ARID4B: variants seen among roughly 807,000 people sequenced by gnomAD.
ARID4B encodes the protein AT-rich interactive domain-containing protein 4B.
ARID4B carries 26 observed loss-of-function variants against 147.5 expected under a neutral mutation model. The ratio of observed to expected loss-of-function variants is 0.18; its 90% CI spans 0.13 to 0.24. ARID4B has a LOEUF of 0.24. Among genes scored for constraint, ARID4B ranks in the 10% least tolerant of loss-of-function variants. The pLI is 1.00. For missense variants in ARID4B, 1,179 were observed against 1,511.5 expected (o/e 0.78, Z 3.65); for synonymous variants, 512 against 507.9 (o/e 1.01, Z -0.11).
Position 235,173,742 on chromosome 1 carries a change from TAAAAAAAAAAAAA to T in ARID4B, c.3665-991_3665-979del, listed in dbSNP as rs755815257. Among the ~76,000 whole-genome samples, 244 of 26,084 alleles carry T rather than the reference TAAAAAAAAAAAAA, an allele frequency of 9.4e-3. 3 individuals are homozygous for T. Among genetic ancestry groups the T allele is most frequent in the South Asian group, 0.011 (4 of 356 alleles). 17.1% of individuals were successfully genotyped at this position (26,084 alleles called of 152,430 possible). ...AACATAATGAGACCTCGTCTCTATT[TAAAAAAAAAAAAA>T]AAAAAAAAAAAAAAAAATATATATA... is the stretch of plus-strand genomic sequence containing the variant. On this transcript the variant is annotated intron_variant, in intron 22 of 23. Coordinates refer to ENST00000264183, the MANE Select transcript of ARID4B (RefSeq NM_016374.6).
At chr1:235,316,225 A>C (rs974128490) in intron 2 of ARID4B, among the ~76,000 whole-genome samples, 5 of 152,164 alleles carry the variant, frequency 3.3e-5, no homozygotes, top group Non-Finnish European at 7.3e-5. Flanking sequence ...ACTCAAAAAT[A>C]AGTGGGGTGC....
intron 7 of ARID4B, among the ~76,000 whole-genome samples, chr1:235,242,682 T>C (rs554609014): frequency 2.0e-4 from 31 of 152,330 alleles, no homozygotes; most frequent in South Asian, 2.1e-4. Flanking sequence ...ATTGTAAAAA[T>C]TGTAACTTTT....
At chr1:235,289,108 T>C (rs1189716439) in intron 2 of ARID4B, among the ~76,000 whole-genome samples, 3 of 152,174 alleles carry the variant, frequency 2.0e-5, no homozygotes, top group South Asian at 4.1e-4. Context: ...AGATAACATA[T>C]ATTCAAAGTT....
chr1:235,232,841 T>C (rs1417647824), intron 9 of ARID4B, among the ~76,000 whole-genome samples: 1 of 151,900 alleles, frequency 6.6e-6, no homozygotes, highest in Non-Finnish European at 1.5e-5. Flanking sequence ...TTTTGTTTTG[T>C]TTTGTTTTGT....
chr1:235,171,115 T>C (rs1433544587), intron 23 of ARID4B, among the ~76,000 whole-genome samples: 1 of 152,108 alleles, frequency 6.6e-6, no homozygotes, highest in Non-Finnish European at 1.5e-5. Context: ...TTGGTTTTAG[T>C]TTTAATTTTT....
chr1:235,287,048 T>C (rs941088200), intron 2 of ARID4B, among the ~76,000 whole-genome samples: 3 of 152,090 alleles, frequency 2.0e-5, no homozygotes, highest in African/African-American at 7.2e-5. Context: ...TCATTTGAGG[T>C]CAGGAGTTAG....
At position 235,220,492 on chromosome 1, in the gene ARID4B, A is replaced by G. The variant is rs1667388547; in HGVS notation, c.1217T>C (p.Met406Thr). 6 of 1,612,458 alleles carry G rather than the reference A, an allele frequency of 3.7e-6. No homozygotes were observed. The East Asian group carries it at 1.3e-4, about 36-fold the overall frequency. Residue 406 changes from methionine to threonine, a missense_variant, in exon 15 of 24, where the codon ATG (methionine) becomes ACG (threonine). Coordinates refer to ENST00000264183, the MANE Select transcript of ARID4B (RefSeq NM_016374.6). The stretch of plus-strand genomic sequence containing the variant: ...GTTAACAACTTTCTCTGGCAATGCC[A>G]TCTGAAATTCAATGTTGGCTGATCT... The part of the protein sequence containing the change: ...YCRSANIEFQ[M>T]ALPEKVVNKQ...
At chr1:235,193,544 TA>T (rs377456530) in intron 19 of ARID4B, among the ~76,000 whole-genome samples, 123 of 152,288 alleles carry the variant, frequency 8.1e-4, no homozygotes, top group African/African-American at 2.9e-3. Flanking sequence ...CAGAAAAGAT[TA>T]AAAAACTAAA....
intron 18 of ARID4B, among the ~76,000 whole-genome samples, chr1:235,195,397 A>T (rs1239373163): frequency 6.6e-6 from 1 of 152,132 alleles, no homozygotes; most frequent in African/African-American, 2.4e-5. Context: ...GTTCGAGACC[A>T]GCCTGGCCAA....
In ARID4B at chr1:235,167,753, A is replaced by G. The variant is rs991457205; in HGVS notation, c.*772T>C. The G allele has an allele frequency of 2.1e-5, 4 of 195,088 alleles. No homozygotes were observed. Among genetic ancestry groups the G allele is most frequent in the Admixed American group, 6.1e-5 (1 of 16,442 alleles). The allele number at this position is 195,088 out of a possible 1,614,324, so 12.1% of individuals were successfully genotyped here. A position where few individuals can be genotyped will look rare whatever the true frequency, so the allele number is the denominator to read the frequency against. The stretch of plus-strand genomic sequence containing the variant: ...ATACACTTTGAACTGGCTAAGTACA[A>G]TCTTTATACATTGTTTAAGATTTAA... On this transcript the variant is annotated 3_prime_UTR_variant, in exon 24 of 24. Transcript: ENST00000264183.
intron 19 of ARID4B, among the ~76,000 whole-genome samples, chr1:235,190,456 A>C (rs1199098597): frequency 1.7e-5 from 2 of 120,634 alleles, no homozygotes; most frequent in African/African-American, 5.6e-5. Context: ...TCAAAAAAAG[A>C]AAAGAAAAAA....
chr1:235,182,751 C>T lies in ARID4B; in HGVS notation c.2168G>A (p.Arg723Lys), dbSNP rs954331722. The T allele has an allele frequency of 6.2e-7, 1 of 1,605,672 alleles. No individual in the cohort carries two copies. The highest frequency in any genetic ancestry group is 1.1e-5 in the South Asian group (1 of 89,306). ...ATTATTATCCATGTCTTGAGCACCT[C>T]TCTCATCTTCCTGCTCACTGTCTTC... ...SAEDSEQEDE[R>K]GAQDMDNNGK... The change falls in exon 20 of 24, where the codon AGA becomes AAA. Residue 723 changes from arginine (R) to lysine (K), a missense_variant. Physicochemically the swap from Arg to Lys is conservative, Grantham distance 26. Around this residue, in one of 10 missense-constraint regions of ARID4B, gnomAD observed 321 missense variants for 342.4 expected, o/e 0.94. Coordinates refer to ENST00000264183, the MANE Select transcript of ARID4B (RefSeq NM_016374.6).
chr1:235,178,841 G>A (rs929884866), intron 20 of ARID4B, among the ~76,000 whole-genome samples: 1 of 130,716 alleles, frequency 7.7e-6, no homozygotes, highest in Non-Finnish European at 1.7e-5. Context: ...TTAACTGTCT[G>A]CAACTTCCTA....
chr1:235,243,418 C>A (rs1572062724), intron 7 of ARID4B, among the ~76,000 whole-genome samples: 1 of 152,090 alleles, frequency 6.6e-6, no homozygotes, highest in African/African-American at 2.4e-5. Flanking sequence ...GATTTTTATT[C>A]ATTTCTGACA....
At chr1:235,269,947 G>T (rs1327454809) in intron 2 of ARID4B, among the ~76,000 whole-genome samples, 1 of 151,158 alleles carries the variant, frequency 6.6e-6, no homozygotes, top group African/African-American at 2.4e-5. Flanking sequence ...TTTTTTGTTT[G>T]TCTGTTTTTT....
At chr1:235,180,658 C>T (rs951970401) in intron 20 of ARID4B, 4 of 151,916 alleles carry the variant, frequency 2.6e-5, no homozygotes, top group Non-Finnish European at 5.9e-5. Flanking sequence ...TGTTTTAAGT[C>T]AAGATTCCTG....
intron 2 of ARID4B, among the ~76,000 whole-genome samples, chr1:235,301,064 AGT>A (rs1673102406): frequency 4.9e-5 from 4 of 81,364 alleles, no homozygotes; most frequent in Admixed American, 1.2e-4. Context: ...TTTTTTTTTT[AGT>A]ATACAGACAG....
intron 16 of ARID4B, 31 bp from the exon 17 acceptor site, chr1:235,214,057 T>TA (rs767822823): frequency 7.6e-6 from 12 of 1,578,180 alleles, no homozygotes; most frequent in Admixed American, 1.8e-5. Flanking sequence ...GCAGAGTTAA[T>TA]AAAAGACACT....
At chr1:235,221,065 T>C (rs1383737562) in intron 14 of ARID4B, among the ~76,000 whole-genome samples, 1 of 152,172 alleles carries the variant, frequency 6.6e-6, no homozygotes, top group Non-Finnish European at 1.5e-5. Context: ...GCTCAGGTAA[T>C]TTTTGTATTT....
Sources: gnomAD v4.1 joint callset for allele counts (sites outside exome capture counted in the v4.1 genomes callset) on GRCh38, gnomAD v4.1.1 for gene constraint, gnomAD v4.1.1 regional missense constraint, MANE v1.5 for transcripts, NCBI Gene and HGNC (gene_info 2026-07-23, HGNC 2026-07-21) for gene names.